Variants in ZNF568 observed in about 807,000 individuals in gnomAD.
The protein encoded by ZNF568 is zinc finger protein 568, also known as p53 inhibitor of SCO2 activation.
ZNF568 carries 11 observed loss-of-function variants against 18.1 expected under a neutral mutation model. The ratio of observed to expected loss-of-function variants is 0.61; its 90% confidence interval spans 0.38 to 1.00. The LOEUF (loss-of-function observed/expected upper bound fraction) is 1.00. Among genes scored for constraint, ZNF568 ranks in the 50% least tolerant of loss-of-function variants. ZNF568 has a pLI of 0.01. For synonymous variants in ZNF568, 213 were observed against 246.6 expected (o/e 0.86, Z 1.28); for missense variants, 639 against 768.2 (o/e 0.83, Z 1.99).
intron 6 of ZNF568, 142 bp from the exon 7 acceptor site, chr19:36,949,370 C>T (rs1461531302): frequency 2.2e-6 from 2 of 889,922 alleles, no homozygotes; most frequent in Non-Finnish European, 3.2e-6. Flanking sequence ...GAACTAGGAA[C>T]ATTTACTCTT....
At chr19:36,958,588 T>G (rs1600829761) in intron 6 of ZNF568, among the ~76,000 whole-genome samples, 1 of 149,896 alleles carries the variant, frequency 6.7e-6, no homozygotes, top group Non-Finnish European at 1.5e-5. Context: ...CATAATATTC[T>G]TTCTTTTTTT....
intron 4 of ZNF568, among the ~76,000 whole-genome samples, chr19:36,933,097 G>T: frequency 6.8e-6 from 1 of 147,226 alleles, no homozygotes; most frequent in African/African-American, 2.5e-5. Context: ...ATAAACCATT[G>T]CCTAATTCAA....
At chr19:36,933,924 G>GTTTTTTTTTTTTTTTTTTTTTTTTTTTT (rs140279289) in intron 4 of ZNF568, among the ~76,000 whole-genome samples, 1 of 29,928 alleles carries the variant, frequency 3.3e-5, no homozygotes, top group African/African-American at 2.2e-4. Flanking sequence ...TTGTTTTTTT[G>GTTTTTTTTTTTTTTTTTTTTTTTTTTTT]TTTTTTTTTT....
At chr19:36,993,751 AT>A (rs2074445270) in intron 4 of ZNF568, among the ~76,000 whole-genome samples, 2 of 152,018 alleles carry the variant, frequency 1.3e-5, no homozygotes, top group Admixed American at 6.6e-5. Context: ...GATATCTCCT[AT>A]TTCATTCCTG....
At chr19:36,930,538 T>C (rs550697723) in intron 4 of ZNF568, among the ~76,000 whole-genome samples, 56 of 152,298 alleles carry the variant, frequency 3.7e-4, no homozygotes, top group African/African-American at 1.3e-3. Context: ...ATGAGATTTA[T>C]GCTAAGTTAC....
chr19:36,942,028 G>A (rs1356797397), intron 6 of ZNF568, among the ~76,000 whole-genome samples: 1 of 146,700 alleles, frequency 6.8e-6, no homozygotes, highest in Non-Finnish European at 1.5e-5. Context: ...TTGTTGCCCA[G>A]GCTGGAGTGC....
chr19:36,963,216 T>TA (rs1463252132), intron 6 of ZNF568, among the ~76,000 whole-genome samples: 1 of 147,466 alleles, frequency 6.8e-6, no homozygotes, highest in African/African-American at 2.6e-5. Context: ...CTTGGATAAA[T>TA]ACCAAGGATT....
intron 2 of ZNF568, chr19:36,991,074 A>G (rs950843594): frequency 1.5e-6 from 2 of 1,290,804 alleles, no homozygotes; most frequent in African/African-American, 3.0e-5. Context: ...CTGTTTTCCT[A>G]ATGGAACTTC....
At chr19:36,938,048 G>A (rs1411620142) in intron 6 of ZNF568, among the ~76,000 whole-genome samples, 2 of 152,138 alleles carry the variant, frequency 1.3e-5, no homozygotes, top group East Asian at 3.9e-4. Context: ...AGACTAAACT[G>A]TCTATTTCCA....
rs556906107 is a variant in ZNF568, at chr19:36,960,948, T to A, written c.359-13472T>A. Among the ~76,000 whole-genome samples, 6 of 152,324 alleles carry A rather than the reference T, an allele frequency of 3.9e-5. No individual in the cohort carries two copies. The South Asian group carries it at 1.2e-3, about 32-fold the overall frequency. ...TTGTTTTGAGGCCTACTCGATGGCCTATTATGGAGAATGTTCCATGTACTG... is the reference window on the plus strand; with the variant it reads ...TTGTTTTGAGGCCTACTCGATGGCCAATTATGGAGAATGTTCCATGTACTG... On this transcript the variant is annotated intron_variant, in intron 6 of 7. Coordinates refer to the ZNF568 transcript ENST00000427117.
chr19:36,984,036 T>C (rs892846029), downstream of ZNF568, among the ~76,000 whole-genome samples: 15 of 151,890 alleles, frequency 9.9e-5, no homozygotes, highest in East Asian at 2.9e-3. Flanking sequence ...GTAGCTGGGA[T>C]TACAGGTGCA....
At chr19:36,969,366 C>G (rs1316174925) in intron 6 of ZNF568, among the ~76,000 whole-genome samples, 1 of 152,126 alleles carries the variant, frequency 6.6e-6, no homozygotes, top group African/African-American at 2.4e-5. Flanking sequence ...TGCAAAAGTT[C>G]TATATCCTAA....
chr19:36,968,570 T>C (rs1268206621), intron 6 of ZNF568, among the ~76,000 whole-genome samples: 1 of 149,864 alleles, frequency 6.7e-6, no homozygotes, highest in East Asian at 2.0e-4. Context: ...TATATATATA[T>C]ATATGCATAT....
rs922705684 is a variant in ZNF568 at position 36,960,742 on chromosome 19, A to T, written c.359-13678A>T. ...AAACTCCATCTCAAAAAAAAAAAAAATTTTTTTTTCTTTCAATTTTCATTT... is the reference window on the plus strand; with the variant it reads ...AAACTCCATCTCAAAAAAAAAAAAATTTTTTTTTTCTTTCAATTTTCATTT... On this transcript the variant is annotated intron_variant, in intron 6 of 7. Coordinates refer to the ZNF568 transcript ENST00000427117. Among the ~76,000 whole-genome samples the T allele has an allele frequency of 6.9e-4, 94 of 137,112 alleles. 2 individuals are homozygous for T. In the East Asian group the frequency reaches 0.014, roughly 21 times the overall value. 90.0% of individuals were successfully genotyped at this position (137,112 alleles called of 152,430 possible).
downstream of ZNF568, among the ~76,000 whole-genome samples, chr19:36,955,100 G>A (rs980467123): frequency 6.6e-6 from 1 of 151,744 alleles, no homozygotes; most frequent in East Asian, 1.9e-4. Flanking sequence ...GCTGGTCTGT[G>A]AGCCACCATG....
intron 3 of ZNF568, among the ~76,000 whole-genome samples, chr19:36,924,478 A>G (rs1207727742): frequency 2.3e-5 from 3 of 128,938 alleles, no homozygotes; most frequent in African/African-American, 8.7e-5. Context: ...TGGCCTCCCA[A>G]AGTGCTGGGA....
intron 6 of ZNF568, among the ~76,000 whole-genome samples, chr19:36,947,635 C>T (rs980708273): frequency 1.3e-5 from 2 of 152,138 alleles, no homozygotes; most frequent in Non-Finnish European, 2.9e-5. Context: ...AGACTTTAAT[C>T]CTCTTCTTTT....
intron 4 of ZNF568, among the ~76,000 whole-genome samples, chr19:36,995,603 T>C (rs1048434785): frequency 1.3e-5 from 2 of 152,220 alleles, no homozygotes; most frequent in Admixed American, 6.5e-5. Context: ...TTGTTATTGT[T>C]TTATTCCTCT....
chr19:36,950,637 T>G lies in ZNF568; in HGVS notation c.1484T>G (p.Ile495Ser). The G allele has an allele frequency of 6.2e-7, 1 of 1,613,544 alleles. No homozygotes were observed. Among genetic ancestry groups the G allele is most frequent in the South Asian group, 1.1e-5 (1 of 91,054 alleles). ...TCAAACCTCATTCGACACCAGAGAATTCATACGGGTGAGAAACCCTATGCA... is the reference window on the plus strand; with the variant it reads ...TCAAACCTCATTCGACACCAGAGAAGTCATACGGGTGAGAAACCCTATGCA... Reference protein sequence around the residue: ...QMSNLIRHQRIHTGEKPYACT... With the variant: ...QMSNLIRHQRSHTGEKPYACT... The change falls in exon 7 of 7, where the codon ATT becomes AGT. Residue 495 changes from isoleucine to serine, a missense_variant. Coordinates refer to ENST00000333987, the MANE Select transcript of ZNF568 (RefSeq NM_198539.4).
Sources: gnomAD v4.1 joint callset for allele counts (sites outside exome capture counted in the v4.1 genomes callset) on GRCh38, gnomAD v4.1.1 for gene constraint, MANE v1.5 for transcripts, NCBI Gene and HGNC (gene_info 2026-07-23, HGNC 2026-07-21) for gene names.